DOP1B: variants seen among roughly 807,000 people sequenced by gnomAD.
DOP1B encodes the protein DOP1 leucine zipper like protein B.
Under a neutral mutation model 233.5 loss-of-function variants are expected in DOP1B, and 174 were observed. That is an observed-to-expected ratio of 0.75 (90% confidence interval 0.66 to 0.85). The LOEUF (loss-of-function observed/expected upper bound fraction) is 0.85, where lower values mean the gene tolerates loss of function less well. Among genes scored for constraint, DOP1B ranks in the 40% least tolerant of loss-of-function variants. The probability of loss-of-function intolerance (pLI) is 0.00; values close to 1 mark genes in which losing one functional copy is unlikely to be tolerated. For synonymous variants in DOP1B, 1,190 were observed against 1,185.6 expected, an observed-to-expected ratio of 1.00 and a Z score of -0.08; for missense variants, 2,652 against 2,846.6, an observed-to-expected ratio of 0.93 and a Z score of 1.56.
intron 3 of DOP1B, among the ~76,000 whole-genome samples, chr21:36,199,744 T>C (rs2066339286): frequency 6.6e-6 from 1 of 152,222 alleles, no homozygotes; most frequent in African/African-American, 2.4e-5. Context: ...GCTTCATCCA[T>C]GTCCCTACAA....
chr21:36,263,608 T>C lies in DOP1B; in HGVS notation c.5378T>C (p.Val1793Ala). The stretch of plus-strand genomic sequence containing the variant: ...CTGTTGGGAGTATTGAAAGAGTCTG[T>C]ACAGTTGAATCTAGCCCCACCTGGG... ...SSLLGVLKES[V>A]QLNLAPPGYF... Residue 1793 changes from valine (V) to alanine (A), a missense_variant, in exon 25 of 37, where the codon GTA becomes GCA. Val to Ala is a moderately conservative substitution (Grantham distance 64, BLOSUM62 0). Transcript: ENST00000691173. 1 of 1,614,216 alleles carries C rather than the reference T, an allele frequency of 6.2e-7. No homozygotes were observed. The highest frequency in any genetic ancestry group is 8.5e-7 in the Non-Finnish European group (1 of 1,180,044).
At chr21:36,261,699 G>T (rs916188363) in intron 24 of DOP1B, 3 of 961,184 alleles carry the variant, frequency 3.1e-6, no homozygotes, top group African/African-American at 3.5e-5. Context: ...CTTGAGGCCA[G>T]GAGTTTGAGA....
intron 9 of DOP1B, among the ~76,000 whole-genome samples, chr21:36,217,848 G>A (rs890163250): frequency 6.6e-6 from 1 of 152,210 alleles, no homozygotes; most frequent in Non-Finnish European, 1.5e-5. Flanking sequence ...CTTCAGGGAA[G>A]TATTAAAAGA....
At chr21:36,174,800 G>A (rs754639073) in intron 2 of DOP1B, among the ~76,000 whole-genome samples, 3 of 151,824 alleles carry the variant, frequency 2.0e-5, no homozygotes, top group Admixed American at 1.3e-4. Context: ...GTGCCTGGCC[G>A]GGATCCTGAT....
intron 2 of DOP1B, among the ~76,000 whole-genome samples, chr21:36,190,127 G>A (rs1689009786): frequency 6.6e-6 from 1 of 151,996 alleles, no homozygotes; most frequent in Non-Finnish European, 1.5e-5. Context: ...AGACCAGCCT[G>A]GCCAAAATGG....
chr21:36,168,529 T>A (rs1424929200), intron 2 of DOP1B, among the ~76,000 whole-genome samples: 1 of 151,296 alleles, frequency 6.6e-6, no homozygotes, highest in Non-Finnish European at 1.5e-5. Flanking sequence ...CACCAATACT[T>A]ATTTTCAAGT....
chr21:36,279,213 C>G (rs911600925), intron 30 of DOP1B, among the ~76,000 whole-genome samples: 1 of 151,852 alleles, frequency 6.6e-6, no homozygotes. Context: ...GAGTTGGAGA[C>G]CAGCCTGGGC....
intron 2 of DOP1B, among the ~76,000 whole-genome samples, 175 bp downstream of exon 2, chr21:36,165,046 T>A (rs1339311616): frequency 6.6e-6 from 1 of 152,104 alleles, no homozygotes; most frequent in Non-Finnish European, 1.5e-5. Flanking sequence ...TATACAATGA[T>A]GATTACAATA....
rs1489883476 is a variant in DOP1B at position 36,245,911 on chromosome 21, C to T, written c.3931C>T (p.Leu1311Phe). 1 of 1,613,874 alleles carries T rather than the reference C, an allele frequency of 6.2e-7. No homozygotes were observed. Among genetic ancestry groups the T allele is most frequent in the Admixed American group, 1.7e-5 (1 of 60,010 alleles). ...CCCCAACGTGTGCCCCCACTCTCTG[C>T]TCCTGGAGCTGCTCACCTACCTCTG... Reference protein sequence around the residue: ...QVPNVCPHSLLLELLTYLCLS... With the variant: ...QVPNVCPHSLFLELLTYLCLS... The change falls in exon 19 of 37, where the codon CTC (leucine) becomes TTC (phenylalanine). Residue 1311 changes from leucine (L) to phenylalanine (F), a missense_variant. Around this residue, in one of 3 missense-constraint regions of DOP1B, gnomAD observed 2,617 missense variants for 2,794.3 expected, o/e 0.94. Coordinates refer to ENST00000691173, the MANE Select transcript of DOP1B (RefSeq NM_001320714.2). The surrounding 1 kb of genome is among the most constrained non-coding windows in gnomAD (Gnocchi z 5.5).
At chr21:36,220,875 A>G (rs887972241) in intron 10 of DOP1B, among the ~76,000 whole-genome samples, 2 of 152,142 alleles carry the variant, frequency 1.3e-5, no homozygotes, top group African/African-American at 2.4e-5. Flanking sequence ...CAGTGGCACC[A>G]TCAATGGTCA....
At chr21:36,160,229 T>G (rs1359069821) in intron 1 of DOP1B, among the ~76,000 whole-genome samples, 1 of 152,150 alleles carries the variant, frequency 6.6e-6, no homozygotes, top group Admixed American at 6.6e-5. Flanking sequence ...CATTACCATC[T>G]TTTCCTTAAT....
rs1399114812 is a variant in DOP1B, at chr21:36,211,985, G to A, written c.792G>A (p.Glu264=). ...TGTCCTTCTAATAGGATTCCAATGA[G>A]AGAGCCATCCCCCTCCTCAGATCTG... ...FPFYTCLDSN[E]RAIPLLRSDI... is the part of the protein sequence containing the mutation. Residue 264 remains glutamate, a synonymous_variant, in exon 7 of 37, where the codon GAG becomes GAA. Transcript: ENST00000691173. The A allele has an allele frequency of 6.2e-7, 1 of 1,613,826 alleles. No individual in the cohort carries two copies. Among genetic ancestry groups the A allele is most frequent in the Non-Finnish European group, 8.5e-7 (1 of 1,180,014 alleles).
In DOP1B at chr21:36,199,115, C is replaced by G; in HGVS notation, c.184C>G (p.Leu62Val). ...LRYSLLPRRL[L>V]ISKRLAQCLH... Reference sequence around the variant, plus strand: ...GTACTCCTTGTTGCCAAGACGGCTCCTCATCAGCAAAAGATTAGCTCAGTG... The same window carrying G: ...GTACTCCTTGTTGCCAAGACGGCTCGTCATCAGCAAAAGATTAGCTCAGTG... Residue 62 changes from leucine to valine, a missense_variant, in exon 3 of 37, where the codon CTC becomes GTC. Leu to Val is a conservative substitution (Grantham distance 32). Around this residue, in one of 3 missense-constraint regions of DOP1B, gnomAD observed 2,617 missense variants for 2,794.3 expected, o/e 0.94. Coordinates refer to ENST00000691173, the MANE Select transcript of DOP1B (RefSeq NM_001320714.2). The G allele has an allele frequency of 6.2e-7, 1 of 1,614,094 alleles. No individual in the cohort carries two copies. The highest frequency in any genetic ancestry group is 8.5e-7 in the Non-Finnish European group (1 of 1,180,006).
chr21:36,175,116 CTTT>C (rs34930032), intron 2 of DOP1B, among the ~76,000 whole-genome samples: 3 of 145,716 alleles, frequency 2.1e-5, no homozygotes, highest in African/African-American at 5.1e-5. Context: ...TCTTCTTCTT[CTTT>C]TTTTTTTTTG....
intron 26 of DOP1B, among the ~76,000 whole-genome samples, chr21:36,267,384 G>C (rs1052776771): frequency 3.3e-5 from 5 of 152,134 alleles, no homozygotes; most frequent in African/African-American, 1.2e-4. Context: ...TTTCATCAGC[G>C]TGCTGCAATG....
intron 2 of DOP1B, among the ~76,000 whole-genome samples, chr21:36,165,828 T>A (rs2065905631): frequency 6.6e-6 from 1 of 151,010 alleles, no homozygotes; most frequent in Non-Finnish European, 1.5e-5. Flanking sequence ...CGATTACTCC[T>A]GCCTCAGCCA....
At chr21:36,214,402 A>G (rs765902720) in intron 8 of DOP1B, 40 bp from the exon 9 acceptor site, 1 of 1,571,264 alleles carries the variant, frequency 6.4e-7, no homozygotes, top group South Asian at 1.1e-5. Flanking sequence ...ACACTTTATG[A>G]TATACGATAT....
At chr21:36,257,771 G>A (rs113347144) in intron 23 of DOP1B, among the ~76,000 whole-genome samples, 3 of 121,474 alleles carry the variant, frequency 2.5e-5, no homozygotes, top group African/African-American at 1.2e-4. Flanking sequence ...GGTAGGTAGA[G>A]AGATGTAGGT....
At chr21:36,258,722 G>A (rs911949033) in intron 23 of DOP1B, among the ~76,000 whole-genome samples, 7 of 152,192 alleles carry the variant, frequency 4.6e-5, no homozygotes, top group African/African-American at 1.7e-4. Context: ...GTGTCGTGGA[G>A]GCTAAATAGT....
Sources: gnomAD v4.1 joint callset for allele counts (sites outside exome capture counted in the v4.1 genomes callset) on GRCh38, gnomAD v4.1.1 for gene constraint, gnomAD v4.1.1 regional missense constraint, Gnocchi (gnomAD v3.1) non-coding constraint, MANE v1.5 for transcripts, NCBI Gene and HGNC (gene_info 2026-07-23, HGNC 2026-07-21) for gene names.